Variants in EPHA7 observed in about 807,000 individuals in gnomAD.
EPHA7 encodes ephrin type-A receptor 7.
In EPHA7, 25 loss-of-function variants were observed where a neutral mutation model predicts 112.6. The observed-to-expected ratio is 0.22, with a 90% CI of 0.16 to 0.31. The LOEUF is 0.31. Among genes scored for constraint, EPHA7 ranks in the 10% least tolerant of loss-of-function variants. The pLI, the probability that EPHA7 is intolerant of heterozygous loss-of-function variation, is 1.00. For missense variants in EPHA7, 962 were observed against 1,212.6 expected, an observed-to-expected ratio of 0.79 and a Z score of 3.07; for synonymous variants, 437 against 406.5, an observed-to-expected ratio of 1.07 and a Z score of -0.90.
intron 3 of EPHA7, among the ~76,000 whole-genome samples, chr6:93,392,829 T>C (rs2127982403): frequency 6.6e-6 from 1 of 151,998 alleles, no homozygotes; most frequent in Non-Finnish European, 1.5e-5. Context: ...TTTGATATAT[T>C]TTTCAGACAA....
chr6:93,335,842 G>T (rs1433081363), intron 5 of EPHA7, among the ~76,000 whole-genome samples: 2 of 152,034 alleles, frequency 1.3e-5, no homozygotes, highest in Non-Finnish European at 2.9e-5. Context: ...TTTAGAAAGA[G>T]ATCATTAAAA....
At chr6:93,245,506 G>T in intron 15 of EPHA7, 53 bp from the exon 16 acceptor site, 4 of 1,568,998 alleles carry the variant, frequency 2.5e-6, no homozygotes, top group Non-Finnish European at 3.5e-6. Context: ...ACCAAAGAAA[G>T]AATGTTTTGG....
chr6:93,413,373 T>G (rs1374785404), intron 2 of EPHA7, among the ~76,000 whole-genome samples: 2 of 151,936 alleles, frequency 1.3e-5, no homozygotes, highest in Non-Finnish European at 2.9e-5. Context: ...TTTTGTGTAT[T>G]ACATGGATGA....
In EPHA7 at chr6:93,417,770, T is replaced by G. The variant is rs376169447; in HGVS notation, c.97+1475A>C. ...GGGATGAGCGTGCGTTTCTAGCAGA[T>G]GTCCGTCCTTCTGCAAACGCGTAAC... is the stretch of plus-strand genomic sequence containing the variant. On this transcript the variant is annotated intron_variant, in intron 1 of 16. Coordinates refer to ENST00000369303, the MANE Select transcript of EPHA7 (RefSeq NM_004440.4). 9.2e-5 allele frequency among the ~76,000 whole-genome samples: 14 copies of G among 152,160 alleles called. 1 individual carries two copies. In the East Asian group the frequency reaches 2.7e-3, roughly 30 times the overall value.
intron 5 of EPHA7, among the ~76,000 whole-genome samples, chr6:93,326,301 T>C (rs771945866): frequency 3.3e-5 from 5 of 151,416 alleles, no homozygotes; most frequent in South Asian, 4.1e-4. Context: ...AACAAACAAG[T>C]AAAATCACAA....
chr6:93,281,135 G>C (rs2127897203), intron 5 of EPHA7, among the ~76,000 whole-genome samples: 1 of 152,194 alleles, frequency 6.6e-6, no homozygotes, highest in Admixed American at 6.5e-5. Flanking sequence ...AATTTATACT[G>C]TTTTATATGC....
intron 7 of EPHA7, among the ~76,000 whole-genome samples, chr6:93,267,754 T>G (rs999440906): frequency 6.6e-6 from 1 of 151,806 alleles, no homozygotes; most frequent in African/African-American, 2.4e-5. Context: ...AAATGATATC[T>G]ATGAATCTCA....
At chr6:93,397,062 A>G (rs575101910) in intron 3 of EPHA7, among the ~76,000 whole-genome samples, 7 of 151,726 alleles carry the variant, frequency 4.6e-5, no homozygotes, top group Non-Finnish European at 1.0e-4. Context: ...ATAACTATCA[A>G]TGAAAATTTC....
intron 5 of EPHA7, among the ~76,000 whole-genome samples, chr6:93,275,070 A>G (rs1409583051): frequency 2.0e-5 from 3 of 151,960 alleles, no homozygotes; most frequent in African/African-American, 7.2e-5. Context: ...AAAATATTCA[A>G]TTAACTACAA....
intron 3 of EPHA7, among the ~76,000 whole-genome samples, chr6:93,391,638 T>G (rs1332678500): frequency 6.6e-6 from 1 of 151,918 alleles, no homozygotes; most frequent in Non-Finnish European, 1.5e-5. Context: ...ATCTATATAT[T>G]TATGAATATA....
At chr6:93,398,459 C>T (rs540391470) in intron 3 of EPHA7, among the ~76,000 whole-genome samples, 2 of 151,806 alleles carry the variant, frequency 1.3e-5, no homozygotes, top group African/African-American at 2.4e-5. Flanking sequence ...TGTGCCATAC[C>T]GTATGATTTG....
chr6:93,246,922 G>A lies in EPHA7; in HGVS notation c.2596C>T (p.His866Tyr). Residue 866 changes from histidine (H) to tyrosine (Y), a missense_variant, in exon 15 of 17, where the codon CAC becomes TAC. Transcript: ENST00000369303. Reference sequence around the variant, plus strand: ...TGCCAACAATCCAACATTAGCTGGTGAAGGCCAGCTGGGCAGTCCATGGGT... The same window carrying A: ...TGCCAACAATCCAACATTAGCTGGTAAAGGCCAGCTGGGCAGTCCATGGGT... The part of the protein sequence containing the change: ...PAPMDCPAGL[H>Y]QLMLDCWQKE... 6.2e-7 allele frequency: 1 copy of A among 1,613,706 alleles called. No individual in the cohort carries two copies.
At position 93,258,133 on chromosome 6, in the gene EPHA7, C is replaced by T. The variant is rs345730; in HGVS notation, c.2076G>A (p.Pro692=). 0.71 allele frequency: 1,152,015 copies of T among 1,612,476 alleles called. 413,340 individuals carry two copies. The highest frequency in any genetic ancestry group is 0.84 in the South Asian group (76,104 of 90,952). ...EASIMGQFDH[P]NVVHLEGVVT... ...CAACCCCTTCCAAATGGACAACATT[C>T]GGGTGGTCAAACTGCCCCATGATGC... Residue 692 remains proline, a synonymous_variant, in exon 11 of 17, where the codon CCG becomes CCA. Coordinates refer to ENST00000369303, the MANE Select transcript of EPHA7 (RefSeq NM_004440.4).
intron 5 of EPHA7, among the ~76,000 whole-genome samples, chr6:93,317,061 C>T (rs963714732): frequency 6.6e-6 from 1 of 152,120 alleles, no homozygotes; most frequent in Non-Finnish European, 1.5e-5. Context: ...ATAACATGCT[C>T]AACATTTTGG....
chr6:93,255,738 C>A (rs1582397515), intron 13 of EPHA7, 90 bp downstream of exon 13: 1 of 1,175,902 alleles, frequency 8.5e-7, no homozygotes, highest in East Asian at 2.4e-5. Flanking sequence ...TGCTTCATTT[C>A]TCCTGTTTAG....
chr6:93,261,544 A>C (rs900419375), intron 9 of EPHA7, among the ~76,000 whole-genome samples: 2 of 151,640 alleles, frequency 1.3e-5, no homozygotes, highest in Non-Finnish European at 3.0e-5. Flanking sequence ...AGAATTTACC[A>C]GGATAGGATA....
At chr6:93,247,164 G>A (rs1034653274) in intron 14 of EPHA7, among the ~76,000 whole-genome samples, 179 bp from the exon 15 acceptor site, 2 of 152,162 alleles carry the variant, frequency 1.3e-5, no homozygotes, top group African/African-American at 4.8e-5. Flanking sequence ...AGTGCGTGAA[G>A]TGCAGGATAT....
At chr6:93,402,333 T>C (rs1432759260) in intron 3 of EPHA7, among the ~76,000 whole-genome samples, 1 of 152,002 alleles carries the variant, frequency 6.6e-6, no homozygotes, top group Admixed American at 6.6e-5. Flanking sequence ...TAATTGGAAA[T>C]TGTGACATGA....
chr6:93,397,251 C>T (rs959877668), intron 3 of EPHA7, among the ~76,000 whole-genome samples: 5 of 151,600 alleles, frequency 3.3e-5, no homozygotes, highest in African/African-American at 1.2e-4. Context: ...TTTATTCTCT[C>T]AAGTAAATAG....
Sources: allele counts gnomAD v4.1 joint callset (sites outside exome capture counted in the v4.1 genomes callset), GRCh38; gene constraint gnomAD v4.1.1; transcripts MANE v1.5; gene names NCBI Gene and HGNC (gene_info 2026-07-23, HGNC 2026-07-21).